Variants in MYO5A observed in about 807,000 individuals in gnomAD.
MYO5A encodes unconventional myosin-Va.
Under a neutral mutation model 249.7 loss-of-function variants are expected in MYO5A, and 98 were observed. That is an observed-to-expected ratio of 0.39 (90% CI 0.33 to 0.46). The LOEUF is 0.46. Among genes scored for constraint, MYO5A ranks in the 20% least tolerant of loss-of-function variants. The pLI, the probability that MYO5A is intolerant of heterozygous loss-of-function variation, is 0.98. For missense variants in MYO5A, 1,696 were observed against 2,308.8 expected (o/e 0.73, Z 5.44); for synonymous variants, 778 against 810.6 (o/e 0.96, Z 0.68).
At chr15:52,339,937 A>T (rs1218949909) in intron 32 of MYO5A, among the ~76,000 whole-genome samples, 1 of 152,224 alleles carries the variant, frequency 6.6e-6, no homozygotes, top group East Asian at 1.9e-4. Context: ...TCAAAAGCCC[A>T]GCCTGCACCC....
Position 52,528,864 on chromosome 15 carries a change from G to C in MYO5A, c.-58C>G. The C allele has an allele frequency of 7.0e-7, 1 of 1,420,142 alleles. No individual in the cohort carries two copies. Among genetic ancestry groups the C allele is most frequent in the Non-Finnish European group, 9.2e-7 (1 of 1,090,160 alleles). 88.0% of individuals were successfully genotyped at this position (1,420,142 alleles called of 1,614,324 possible). ...TGCGGAGGCCGCACCTCGCCTGGGC[G>C]GCCGCCCGAGCGGACTAGGAAGCGC... is the stretch of plus-strand genomic sequence containing the variant. On this transcript the variant is annotated 5_prime_UTR_variant, in exon 1 of 42. Coordinates refer to ENST00000399233, the MANE Select transcript of MYO5A (RefSeq NM_001382347.1).
chr15:52,499,818 C>T (rs747105445), intron 1 of MYO5A, among the ~76,000 whole-genome samples: 7 of 152,112 alleles, frequency 4.6e-5, no homozygotes, highest in Non-Finnish European at 1.0e-4. Context: ...CTCTTTGAGA[C>T]CTTGCTTTGA....
In MYO5A at chr15:52,435,481, G is replaced by A. The variant is rs190824747; in HGVS notation, c.28-2196C>T. Among the ~76,000 whole-genome samples the A allele has an allele frequency of 4.6e-4, 70 of 152,210 alleles. 1 individual carries two copies. In the East Asian group the frequency reaches 0.011, roughly 25 times the overall value. On this transcript the variant is annotated intron_variant, in intron 1 of 41. Transcript: ENST00000399233. ...TTTAGTAGAGACAGGGTTTCACCGT[G>A]TTAGCCAGGATGGTCTCGATCTCCT...
At chr15:52,453,309 C>T (rs1463585097) in intron 1 of MYO5A, among the ~76,000 whole-genome samples, 1 of 152,038 alleles carries the variant, frequency 6.6e-6, no homozygotes, top group Non-Finnish European at 1.5e-5. Context: ...AAAACCCTGC[C>T]ATCTTAGAAT....
chr15:52,489,863 G>A (rs1567174225), intron 1 of MYO5A, among the ~76,000 whole-genome samples: 1 of 152,048 alleles, frequency 6.6e-6, no homozygotes, highest in East Asian at 1.9e-4. Context: ...TTCTACAGCT[G>A]AACAGCAACA....
At chr15:52,366,391 C>T (rs2040807237) in intron 23 of MYO5A, among the ~76,000 whole-genome samples, 1 of 151,694 alleles carries the variant, frequency 6.6e-6, no homozygotes, top group Non-Finnish European at 1.5e-5. Flanking sequence ...TAATATATCC[C>T]CATTCCAAAC....
chr15:52,374,187 T>C (rs2041280187), intron 20 of MYO5A, among the ~76,000 whole-genome samples: 1 of 152,170 alleles, frequency 6.6e-6, no homozygotes. Flanking sequence ...TCACAGGTGA[T>C]AATTAAGACT....
In MYO5A at chr15:52,397,424, C is replaced by T. The variant is rs746108435; in HGVS notation, c.1096G>A (p.Val366Met). ...CAGTGACACATCTCCTCATAGTCCA[C>T]ACCCATGAGTTCACAGAAGATGCAG... ...PLCIFCELMG[V>M]DYEEMCHWLC... Residue 366 changes from valine (V) to methionine (M), a missense_variant, in exon 10 of 42, where the codon GTG becomes ATG. Physicochemically the swap from Val to Met is conservative, Grantham distance 21. Coordinates refer to ENST00000399233, the MANE Select transcript of MYO5A (RefSeq NM_001382347.1). The T allele has an allele frequency of 2.1e-5, 34 of 1,613,952 alleles. No individual in the cohort carries two copies. Among genetic ancestry groups the T allele is most frequent in the Non-Finnish European group, 2.8e-5 (33 of 1,179,832 alleles).
chr15:52,410,571 A>C, intron 5 of MYO5A, 95 bp from the exon 6 acceptor site: 5 of 1,170,774 alleles, frequency 4.3e-6, no homozygotes, highest in Non-Finnish European at 5.0e-6. Flanking sequence ...GGAGTAGAAC[A>C]CAGGTCCTTA....
chr15:52,397,553 A>C (rs1212049773), intron 9 of MYO5A, 87 bp from the exon 10 acceptor site: 2 of 1,477,180 alleles, frequency 1.4e-6, no homozygotes, highest in Non-Finnish European at 1.9e-6. Flanking sequence ...TTAACAAATA[A>C]AATTCAGCAA....
At chr15:52,331,874 C>T in intron 34 of MYO5A, 1 of 985,258 alleles carries the variant, frequency 1.0e-6, no homozygotes, top group South Asian at 4.7e-5. Context: ...CAGATCAGGG[C>T]TACGGCCATC....
intron 1 of MYO5A, among the ~76,000 whole-genome samples, chr15:52,471,715 G>A (rs2076476523): frequency 1.3e-5 from 2 of 152,092 alleles, no homozygotes; most frequent in Admixed American, 6.5e-5. Context: ...CTGGGGTGGG[G>A]TGGACAGGGT....
Position 52,425,923 on chromosome 15 carries a change from T to C in MYO5A, c.362A>G (p.Glu121Gly). The C allele has an allele frequency of 3.1e-6, 5 of 1,613,004 alleles. No individual in the cohort carries two copies. The highest frequency in any genetic ancestry group is 1.7e-4 in the Middle Eastern group (1 of 6,058). The change falls in exon 4 of 42, where the codon GAA (glutamate) becomes GGA (glycine). Residue 121 changes from glutamate (E) to glycine (G), a missense_variant. Around this residue, in one of 5 missense-constraint regions of MYO5A, gnomAD observed 197 missense variants for 320.3 expected, o/e 0.62. Transcript: ENST00000399233. ...NPYEQLPIYG[E>G]DIINAYSGQN... ...ACCACTGTATGCATTAATAATATCT[T>C]CTCCATAAATAGGCAGCTGTTCATA... is the stretch of plus-strand genomic sequence containing the variant.
chr15:52,428,153 T>C (rs2075438520), intron 3 of MYO5A, among the ~76,000 whole-genome samples: 1 of 152,212 alleles, frequency 6.6e-6, no homozygotes, highest in Admixed American at 6.5e-5. Context: ...ATATGACTTC[T>C]GTAAGGGGAA....
intron 34 of MYO5A, among the ~76,000 whole-genome samples, chr15:52,332,873 G>A (rs1343745657): frequency 2.6e-5 from 4 of 152,190 alleles, no homozygotes; most frequent in Non-Finnish European, 4.4e-5. Flanking sequence ...GCTGAGGCAG[G>A]AGAATCGCTT....
intron 1 of MYO5A, among the ~76,000 whole-genome samples, chr15:52,499,296 T>C (rs573864460): frequency 1.1e-4 from 17 of 152,254 alleles, no homozygotes; most frequent in South Asian, 2.1e-4. Flanking sequence ...GAAGCATTAA[T>C]GGATTTTCTT....
At chr15:52,501,239 G>A (rs1009897043) in intron 1 of MYO5A, among the ~76,000 whole-genome samples, 1 of 151,978 alleles carries the variant, frequency 6.6e-6, no homozygotes, top group African/African-American at 2.4e-5. Context: ...CCAAAGTGCT[G>A]GGATTACAGG....
intron 1 of MYO5A, among the ~76,000 whole-genome samples, chr15:52,494,624 C>A (rs866481709): frequency 1.3e-5 from 2 of 152,280 alleles, no homozygotes; most frequent in South Asian, 4.1e-4. Context: ...TCCCGAGTAG[C>A]TGGGACTTCA....
At position 52,420,288 on chromosome 15, in the gene MYO5A, T is replaced by C. The variant is rs558605841; in HGVS notation, c.456-3987A>G. 1.0e-4 allele frequency among the ~76,000 whole-genome samples: 15 copies of C among 142,920 alleles called. 1 individual carries two copies. In the South Asian group the frequency reaches 2.4e-3, roughly 23 times the overall value. 93.8% of individuals were successfully genotyped at this position (142,920 alleles called of 152,430 possible). ...CCACTACACCCTTGCCTGGGTGACA[T>C]AGTGAGACCCTGTATTACAAAAAAA... On this transcript the variant is annotated intron_variant, in intron 4 of 41. Coordinates refer to ENST00000399233, the MANE Select transcript of MYO5A (RefSeq NM_001382347.1).
Sources: gnomAD v4.1 joint callset for allele counts (sites outside exome capture counted in the v4.1 genomes callset) on GRCh38, gnomAD v4.1.1 for gene constraint, gnomAD v4.1.1 regional missense constraint, MANE v1.5 for transcripts, NCBI Gene and HGNC (gene_info 2026-07-23, HGNC 2026-07-21) for gene names.